Variants in CREB3L2 observed in about 807,000 individuals in gnomAD.
CREB3L2 encodes cyclic AMP-responsive element-binding protein 3-like protein 2.
Under a neutral mutation model 57.2 loss-of-function variants are expected in CREB3L2, and 23 were observed. The ratio of observed to expected loss-of-function variants is 0.40; its 90% CI spans 0.29 to 0.57. The LOEUF (loss-of-function observed/expected upper bound fraction) is 0.57. Among genes scored for constraint, CREB3L2 ranks in the 20% least tolerant of loss-of-function variants. The pLI is 0.42. For missense variants in CREB3L2, 628 were observed against 634.7 expected (o/e 0.99, Z 0.11); for synonymous variants, 268 against 265.1 (o/e 1.01, Z -0.11).
rs7802497 is a variant in CREB3L2, at chr7:138,001,251, A to T, written c.102+353T>A. Among the ~76,000 whole-genome samples, 968 of 152,250 alleles carry T rather than the reference A, an allele frequency of 6.4e-3. 11 individuals are homozygous for T. The highest frequency in any genetic ancestry group is 0.022 in the African/African-American group (927 of 41,542). ...CAGTTTTTGAAAACCTCAAAAAAAA[A>T]TCAATAGCAAACTAGGCGGAGGCAT... On this transcript the variant is annotated intron_variant, in intron 1 of 11. Transcript: ENST00000330387. The surrounding 1 kb of genome is among the most constrained non-coding windows in gnomAD (Gnocchi z 4.2).
At chr7:137,926,820 A>C (rs273945) in intron 2 of CREB3L2, among the ~76,000 whole-genome samples, 70,225 of 152,014 alleles carry the variant, frequency 0.46, 19,818 homozygotes, top group East Asian at 0.82. Context: ...GTACTAAAAT[A>C]GCTGGCTATC....
At chr7:137,902,027 C>G (rs900031818) in intron 7 of CREB3L2, among the ~76,000 whole-genome samples, 8 of 151,568 alleles carry the variant, frequency 5.3e-5, no homozygotes, top group African/African-American at 1.9e-4. Context: ...AACCCCATCT[C>G]TACTAAAAAT....
chr7:137,934,640 C>A (rs906175594), intron 1 of CREB3L2, among the ~76,000 whole-genome samples: 2 of 152,190 alleles, frequency 1.3e-5, no homozygotes, highest in African/African-American at 4.8e-5. Context: ...GACGGTCATC[C>A]GCTATGAACA....
rs759902698 is a variant in CREB3L2, at chr7:137,895,642, C to CAAAAAA, written c.1043+5706_1043+5711dup. The stretch of plus-strand genomic sequence containing the variant: ...TAGGTGGCTGCTGCTGAGTCCAGTA[C>CAAAAAA]AAAAAAAAAAAGAAAGAAAACCATA... On this transcript the variant is annotated intron_variant, in intron 8 of 11. Coordinates refer to ENST00000330387, the MANE Select transcript of CREB3L2 (RefSeq NM_194071.4). Among the ~76,000 whole-genome samples, 48 of 111,902 alleles carry CAAAAAA rather than the reference C, an allele frequency of 4.3e-4. 2 individuals carry two copies. Among genetic ancestry groups the CAAAAAA allele is most frequent in the African/African-American group, 1.5e-3 (42 of 27,392 alleles). 73.4% of individuals were successfully genotyped at this position (111,902 alleles called of 152,430 possible).
At chr7:137,976,624 T>C (rs1408221589) in intron 1 of CREB3L2, among the ~76,000 whole-genome samples, 4 of 152,216 alleles carry the variant, frequency 2.6e-5, no homozygotes, top group Admixed American at 6.6e-5. Context: ...CCCCACTTTA[T>C]TTTTTATGCA....
At position 137,978,142 on chromosome 7, in the gene CREB3L2, TAAAAAC is replaced by T. The variant is rs1307065727; in HGVS notation, c.102+23456_102+23461del. Among the ~76,000 whole-genome samples, 23 of 152,076 alleles carry T rather than the reference TAAAAAC, an allele frequency of 1.5e-4. No homozygotes were observed. The South Asian group carries it at 4.6e-3, about 30-fold the overall frequency. On this transcript the variant is annotated intron_variant, in intron 1 of 11. Transcript: ENST00000330387. ...AATGAAGCAGAGAGACCAAGATAAA[TAAAAAC>T]AAATCAGAGACCATGGAGCACAAGG...
At chr7:137,918,374 A>G (rs1258524622) in intron 2 of CREB3L2, among the ~76,000 whole-genome samples, 1 of 152,100 alleles carries the variant, frequency 6.6e-6, no homozygotes, top group Non-Finnish European at 1.5e-5. Flanking sequence ...TATTTTTAGT[A>G]GAGACGGGGT....
Position 137,928,178 on chromosome 7 carries a change from G to C in CREB3L2, c.291C>G (p.His97Gln), listed in dbSNP as rs1380538836. 6.3e-7 allele frequency: 1 copy of C among 1,585,596 alleles called. No individual in the cohort carries two copies. The highest frequency in any genetic ancestry group is 8.6e-7 in the Non-Finnish European group (1 of 1,164,200). Residue 97 changes from histidine (H) to glutamine (Q), a missense_variant, in exon 2 of 12, where the codon CAC (histidine) becomes CAG (glutamine). His to Gln is a conservative substitution (Grantham distance 24, BLOSUM62 0). Around this residue, in one of 3 missense-constraint regions of CREB3L2, gnomAD observed 339 missense variants for 355.4 expected, o/e 0.95. Transcript: ENST00000330387. ...EEPRAQSPFTHITTSDSFNDD... is the reference protein window; with the variant it reads ...EEPRAQSPFTQITTSDSFNDD... ...CATTGAAGCTGTCACTGGTGGTAATGTGGGTGAAGGGCGACTGGGCCCGAG... is the reference window on the plus strand; with the variant it reads ...CATTGAAGCTGTCACTGGTGGTAATCTGGGTGAAGGGCGACTGGGCCCGAG...
chr7:137,934,157 C>T (rs1012207306), intron 1 of CREB3L2, among the ~76,000 whole-genome samples: 6 of 152,182 alleles, frequency 3.9e-5, no homozygotes, highest in South Asian at 2.1e-4. Context: ...TCAATACTCA[C>T]GACAATCCTG....
At chr7:137,903,893 C>G in intron 7 of CREB3L2, 66 bp downstream of exon 7, 1 of 1,336,132 alleles carries the variant, frequency 7.5e-7, no homozygotes, top group Non-Finnish European at 1.1e-6. Context: ...CTCCCCGATT[C>G]TCCGCACACC....
chr7:137,993,818 G>A (rs1801941089), intron 1 of CREB3L2, among the ~76,000 whole-genome samples: 1 of 152,220 alleles, frequency 6.6e-6, no homozygotes, highest in Non-Finnish European at 1.5e-5. Context: ...TAAGGACCAT[G>A]AGGGTATAGA....
At chr7:137,884,958 A>G in intron 10 of CREB3L2, 37 bp downstream of exon 10, 1 of 1,613,762 alleles carries the variant, frequency 6.2e-7, no homozygotes, top group South Asian at 1.1e-5. Context: ...AGGGAAATAA[A>G]ACAAGACCCT....
intron 1 of CREB3L2, among the ~76,000 whole-genome samples, chr7:137,977,711 A>C (rs1801633147): frequency 6.6e-6 from 1 of 152,140 alleles, no homozygotes; most frequent in Admixed American, 6.5e-5. Context: ...ACTTGAAGTC[A>C]GGAGTTCGAG....
At chr7:137,902,077 C>T (rs745842920) in intron 7 of CREB3L2, among the ~76,000 whole-genome samples, 2 of 149,946 alleles carry the variant, frequency 1.3e-5, no homozygotes, top group Non-Finnish European at 3.0e-5. Flanking sequence ...GCCTGTAATC[C>T]GAGCTACTTG....
chr7:137,905,940 A>G, intron 5 of CREB3L2, 92 bp from the exon 6 acceptor site: 1 of 1,271,860 alleles, frequency 7.9e-7, no homozygotes, highest in Non-Finnish European at 1.1e-6. Flanking sequence ...AATCTGTTAC[A>G]ATGTCTTACA....
intron 3 of CREB3L2, among the ~76,000 whole-genome samples, chr7:137,913,438 T>C (rs1020516731): frequency 6.6e-6 from 1 of 150,778 alleles, no homozygotes; most frequent in Non-Finnish European, 1.5e-5. Flanking sequence ...ACCCAGGAAT[T>C]TGAGGCTGCA....
chr7:137,967,849 A>G (rs1472726544), intron 1 of CREB3L2, among the ~76,000 whole-genome samples: 1 of 152,160 alleles, frequency 6.6e-6, no homozygotes, highest in Non-Finnish European at 1.5e-5. Context: ...CCTCACTGTG[A>G]TGCCCCATCC....
At chr7:137,925,798 C>T (rs137885963) in intron 2 of CREB3L2, among the ~76,000 whole-genome samples, 9 of 152,320 alleles carry the variant, frequency 5.9e-5, no homozygotes, top group East Asian at 1.9e-4. Flanking sequence ...AGTAGTATCC[C>T]GTGTTTGTTG....
At chr7:137,970,983 A>G (rs951602938) in intron 1 of CREB3L2, among the ~76,000 whole-genome samples, 3 of 152,216 alleles carry the variant, frequency 2.0e-5, no homozygotes, top group Non-Finnish European at 4.4e-5. Flanking sequence ...AAGAATATCC[A>G]TATTTTTAAA....
Sources: gnomAD v4.1 joint callset for allele counts (sites outside exome capture counted in the v4.1 genomes callset) on GRCh38, gnomAD v4.1.1 for gene constraint, gnomAD v4.1.1 regional missense constraint, Gnocchi (gnomAD v3.1) non-coding constraint, MANE v1.5 for transcripts, NCBI Gene and HGNC (gene_info 2026-07-23, HGNC 2026-07-21) for gene names.